The following POLR1A variants were observed in gnomAD, a reference collection of about 807,000 sequenced individuals.
POLR1A encodes the protein RNA polymerase I subunit A, also known as DNA-directed RNA polymerase I subunit RPA1.
Under a neutral mutation model 205.3 loss-of-function variants are expected in POLR1A, and 84 were observed. That is an observed-to-expected ratio of 0.41 (90% CI 0.34 to 0.49). POLR1A has a LOEUF of 0.49. Ranked by LOEUF, POLR1A falls within the 20% of genes least tolerant of loss-of-function variation. The pLI, the probability that POLR1A is intolerant of heterozygous loss-of-function variation, is 0.22. For missense variants in POLR1A, 1,645 were observed against 2,204.5 expected, an observed-to-expected ratio of 0.75 and a Z score of 5.08; for synonymous variants, 799 against 863.7, an observed-to-expected ratio of 0.93 and a Z score of 1.31.
intron 15 of POLR1A, 113 bp from the exon 16 acceptor site, chr2:86,053,113 G>T: frequency 1.7e-6 from 1 of 578,080 alleles, no homozygotes; most frequent in Non-Finnish European, 2.7e-6. Context: ...ACTGTGACCC[G>T]CCTAGAATCC....
chr2:86,063,420 T>C (rs138438198), intron 14 of POLR1A, among the ~76,000 whole-genome samples: 3 of 149,374 alleles, frequency 2.0e-5, no homozygotes, highest in African/African-American at 7.4e-5. Context: ...TGGTGAATTC[T>C]ACAACACATT....
Position 86,040,540 on chromosome 2 carries a change from G to A in POLR1A, c.3592C>T (p.Leu1198=). The change falls in exon 25 of 34, where the codon CTG becomes TTG. Residue 1198 remains leucine, a synonymous_variant. Transcript: ENST00000263857. ...SLDRLRTLLQ[L]KWQRSLCEPG... ...TCACACAGTGAGCGCTGCCACTTCAGCTGCAGCAAGGTCCTCAACCTAGAG... is the reference window on the plus strand; with the variant it reads ...TCACACAGTGAGCGCTGCCACTTCAACTGCAGCAAGGTCCTCAACCTAGAG... 6.3e-7 allele frequency: 1 copy of A among 1,589,342 alleles called. No individual in the cohort carries two copies. The highest frequency in any genetic ancestry group is 1.1e-5 in the South Asian group (1 of 88,520).
chr2:86,090,386 CAAAAA>C (rs56810530), intron 3 of POLR1A, among the ~76,000 whole-genome samples: 4 of 94,630 alleles, frequency 4.2e-5, no homozygotes, highest in Admixed American at 1.2e-4. Context: ...GACACCATCT[CAAAAA>C]AAAAAAAAAA....
Position 86,065,197 on chromosome 2 carries a change from T to C in POLR1A, c.2058+77A>G, listed in dbSNP as rs1673065013. On this transcript the variant is annotated intron_variant, in intron 14 of 33. Coordinates refer to ENST00000263857, the MANE Select transcript of POLR1A (RefSeq NM_015425.6). ...CCATTTCTCTGTCTCTGGTCTGGAC[T>C]CTTCTGAGAATAAAACCTTTTACAT... The C allele has an allele frequency of 1.5e-5, 19 of 1,288,730 alleles. No homozygotes were observed. The South Asian group carries it at 2.6e-4, about 18-fold the overall frequency. 79.8% of individuals were successfully genotyped at this position (1,288,730 alleles called of 1,614,324 possible). A position where few individuals can be genotyped will look rare whatever the true frequency, so the allele number is the denominator to read the frequency against.
chr2:86,089,865 G>C lies in POLR1A; in HGVS notation c.497C>G (p.Thr166Ser). 2 of 1,612,908 alleles carry C rather than the reference G, an allele frequency of 1.2e-6. No individual in the cohort carries two copies. Among genetic ancestry groups the C allele is most frequent in the Non-Finnish European group, 1.7e-6 (2 of 1,178,850 alleles). The change falls in exon 4 of 34, where the codon ACT (threonine) becomes AGT (serine). Residue 166 changes from threonine (T) to serine (S), a missense_variant. By Grantham distance (58) the Thr-to-Ser change is moderately conservative. This residue lies in a region of POLR1A where 330 missense variants were observed against 375.6 expected (regional missense o/e 0.88). Coordinates refer to ENST00000263857, the MANE Select transcript of POLR1A (RefSeq NM_015425.6). ...EIREELEQYT[T>S]EIVQNNLLGS... The stretch of plus-strand genomic sequence containing the variant: ...CAGGAGGTTGTTCTGCACAATTTCA[G>C]TTGTGTATTGTTCTAATTCCTCCCG...
chr2:86,092,110 T>C (rs1417440517), intron 3 of POLR1A, among the ~76,000 whole-genome samples: 1 of 152,082 alleles, frequency 6.6e-6, no homozygotes, highest in African/African-American at 2.4e-5. Context: ...AGCAAGACTC[T>C]GTCTCAAAAA....
chr2:86,088,629 A>C lies in POLR1A; in HGVS notation c.667T>G (p.Leu223Val), dbSNP rs1298627629. Residue 223 changes from leucine (L) to valine (V), a missense_variant, in exon 6 of 34, where the codon TTG becomes GTG. By Grantham distance (32) the Leu-to-Val change is conservative. Coordinates refer to ENST00000263857, the MANE Select transcript of POLR1A (RefSeq NM_015425.6). ...ACCATGGCTGGAAACGTGATAGTCA[A>C]CTTGCTGTTGTGTTCCTTTCGGACA... is the stretch of plus-strand genomic sequence containing the variant. ...SVVRKEHNSK[L>V]TITFPAMVHR... 1.2e-6 allele frequency: 2 copies of C among 1,614,086 alleles called. No individual in the cohort carries two copies. Among genetic ancestry groups the C allele is most frequent in the Non-Finnish European group, 1.7e-6 (2 of 1,179,906 alleles).
chr2:86,042,623 G>A (rs555478365), intron 23 of POLR1A, among the ~76,000 whole-genome samples: 10 of 152,334 alleles, frequency 6.6e-5, no homozygotes, highest in Admixed American at 2.0e-4. Flanking sequence ...AGGGGATCCT[G>A]GTATTTATCC....
chr2:86,105,609 G>A lies in POLR1A; in HGVS notation c.77+91C>T, dbSNP rs116587298. 88 of 825,506 alleles carry A rather than the reference G, an allele frequency of 1.1e-4. No homozygotes were observed. In the African/African-American group the frequency reaches 1.3e-3, roughly 12 times the overall value. 51.1% of individuals were successfully genotyped at this position (825,506 alleles called of 1,614,324 possible). A position where few individuals can be genotyped will look rare whatever the true frequency, so the allele number is the denominator to read the frequency against. ...CGCCAGACAAGCCTGGACTCAAGAGGATAGACTGGGCAAAAGCGCTTCTGG... is the reference window on the plus strand; with the variant it reads ...CGCCAGACAAGCCTGGACTCAAGAGAATAGACTGGGCAAAAGCGCTTCTGG... On this transcript the variant is annotated intron_variant, in intron 1 of 33. Transcript: ENST00000263857.
At chr2:86,051,313 G>A (rs1466093915) in intron 16 of POLR1A, among the ~76,000 whole-genome samples, 4 of 150,504 alleles carry the variant, frequency 2.7e-5, no homozygotes, top group Non-Finnish European at 4.4e-5. Flanking sequence ...TACTATTAGT[G>A]GTTATCTCTG....
chr2:86,045,606 A>G lies in POLR1A; in HGVS notation c.2886+11T>C. On this transcript the variant is annotated intron_variant, in intron 20 of 33. Transcript: ENST00000263857. ...AGGGAAAAAGCTAAATGGAAAAACC[A>G]AAATACATACAGGAGGTTTGATGCC... The G allele has an allele frequency of 1.9e-6, 3 of 1,614,116 alleles. No homozygotes were observed. Among genetic ancestry groups the G allele is most frequent in the Non-Finnish European group, 2.5e-6 (3 of 1,179,968 alleles).
chr2:86,075,608 A>G (rs1673266595), intron 11 of POLR1A, among the ~76,000 whole-genome samples: 1 of 152,120 alleles, frequency 6.6e-6, no homozygotes, highest in Admixed American at 6.5e-5. Context: ...TCCTGGGTTC[A>G]AGCAATTCTC....
At chr2:86,052,446 G>C (rs760922256) in intron 16 of POLR1A, among the ~76,000 whole-genome samples, 1 of 152,320 alleles carries the variant, frequency 6.6e-6, no homozygotes, top group Admixed American at 6.5e-5. Flanking sequence ...CACTGTGAAC[G>C]GGAATAAGCA....
Position 86,028,129 on chromosome 2 carries a change from C to T in POLR1A, c.4898-80G>A. On this transcript the variant is annotated intron_variant, in intron 32 of 33. Coordinates refer to ENST00000263857, the MANE Select transcript of POLR1A (RefSeq NM_015425.6). The surrounding 1 kb of genome is among the most constrained non-coding windows in gnomAD (Gnocchi z 4.5). ...CAGCAGACACAAGCCAAGCTGCCTCCACATCAGCACATGGCTTGGGAGTTA... is the reference window on the plus strand; with the variant it reads ...CAGCAGACACAAGCCAAGCTGCCTCTACATCAGCACATGGCTTGGGAGTTA... 7.6e-7 allele frequency: 1 copy of T among 1,309,586 alleles called. No individual in the cohort carries two copies. The highest frequency in any genetic ancestry group is 1.2e-5 in the South Asian group (1 of 81,478). The allele number at this position is 1,309,586 out of a possible 1,614,324, so 81.1% of individuals were successfully genotyped here.
At chr2:86,089,287 G>T (rs1371524518) in intron 4 of POLR1A, among the ~76,000 whole-genome samples, 1 of 152,342 alleles carries the variant, frequency 6.6e-6, no homozygotes, top group East Asian at 1.9e-4. Flanking sequence ...CACATGAGTG[G>T]CTCTGCACCT....
At chr2:86,100,406 T>C (rs1673791109) in intron 1 of POLR1A, among the ~76,000 whole-genome samples, 1 of 152,162 alleles carries the variant, frequency 6.6e-6, no homozygotes, top group Non-Finnish European at 1.5e-5. Flanking sequence ...ATGTGCTAAA[T>C]GAATGAGTGG....
intron 27 of POLR1A, among the ~76,000 whole-genome samples, chr2:86,037,667 C>T (rs1672524620): frequency 6.6e-6 from 1 of 152,242 alleles, no homozygotes; most frequent in African/African-American, 2.4e-5. Flanking sequence ...GGCCTGTGGC[C>T]AGATCCTGCA....
chr2:86,045,541 T>C, intron 20 of POLR1A, 76 bp downstream of exon 20: 1 of 1,503,294 alleles, frequency 6.7e-7, no homozygotes, highest in Non-Finnish European at 9.2e-7. Context: ...CCCTACCCTG[T>C]AGGGCAGTCA....
intron 31 of POLR1A, among the ~76,000 whole-genome samples, chr2:86,029,244 A>G (rs1362405242): frequency 6.6e-6 from 1 of 152,086 alleles, no homozygotes; most frequent in Non-Finnish European, 1.5e-5. Context: ...AGTGTTTGGT[A>G]AAAGGGTTCA....
Sources: allele counts gnomAD v4.1 joint callset (sites outside exome capture counted in the v4.1 genomes callset), GRCh38; gene constraint gnomAD v4.1.1; regional missense constraint gnomAD v4.1.1; non-coding constraint Gnocchi (gnomAD v3.1); transcripts MANE v1.5; gene names NCBI Gene and HGNC (gene_info 2026-07-23, HGNC 2026-07-21).